DGKA: variants seen among roughly 807,000 people sequenced by gnomAD.
DGKA encodes 80 kDa diacylglycerol kinase.
In DGKA, 35 loss-of-function variants were observed where a neutral mutation model predicts 105.0. The observed-to-expected ratio is 0.33, with a 90% CI of 0.25 to 0.44. DGKA has a LOEUF of 0.44. Among genes scored for constraint, DGKA ranks in the 20% least tolerant of loss-of-function variants. The pLI is 1.00. For missense variants in DGKA, 665 were observed against 915.0 expected (o/e 0.73, Z 3.53); for synonymous variants, 296 against 332.0 (o/e 0.89, Z 1.18).
chr12:55,946,386 T>C (rs1592722632), intron 17 of DGKA, among the ~76,000 whole-genome samples: 1 of 152,094 alleles, frequency 6.6e-6, no homozygotes, highest in South Asian at 2.1e-4. Flanking sequence ...AGATGGAGTC[T>C]CACTCCATCG....
chr12:55,927,440 A>C, upstream of DGKA: 1 of 707,150 alleles, frequency 1.4e-6, no homozygotes, highest in East Asian at 2.7e-5. Context: ...AAAAGGGCGC[A>C]AGGCCCACCT....
At chr12:55,941,144 G>T (rs1418349824) in intron 13 of DGKA, 108 bp from the exon 14 acceptor site, 1 of 1,378,382 alleles carries the variant, frequency 7.3e-7, no homozygotes, top group East Asian at 2.3e-5. Flanking sequence ...AGGAGGGAGG[G>T]GGGAAATATC....
chr12:55,934,683 T>C (rs1488903935), intron 1 of DGKA, among the ~76,000 whole-genome samples: 3 of 152,234 alleles, frequency 2.0e-5, no homozygotes, highest in African/African-American at 7.2e-5. Context: ...GCATCATTCA[T>C]TTATTTAACA....
At chr12:55,941,648 G>T in intron 15 of DGKA, 64 bp downstream of exon 15, 1 of 1,520,548 alleles carries the variant, frequency 6.6e-7, no homozygotes, top group South Asian at 1.1e-5. Context: ...TATATGTTAG[G>T]AGAGTGCAGG....
Position 55,952,777 on chromosome 12 carries a change from G to T in DGKA, c.1787G>T (p.Gly596Val). Reference protein sequence around the residue: ...PLDLSNLSLEGIAVLNIPSMH... With the variant: ...PLDLSNLSLEVIAVLNIPSMH... ...GATCTGAGCAACCTGTCCCTAGAAG[G>T]CATCGCAGTGCTAAACATCCCTAGC... The change falls in exon 21 of 24, where the codon GGC becomes GTC. Residue 596 changes from glycine (G) to valine (V), a missense_variant. Around this residue, in one of 3 missense-constraint regions of DGKA, gnomAD observed 158 missense variants for 213.4 expected, o/e 0.74. Coordinates refer to ENST00000331886, the MANE Select transcript of DGKA (RefSeq NM_001345.5). This position sits in a 1 kb window ranked among gnomAD's most constrained non-coding sequence, Gnocchi z 5.1. The T allele has an allele frequency of 6.2e-7, 1 of 1,614,108 alleles. No individual in the cohort carries two copies. The highest frequency in any genetic ancestry group is 1.3e-5 in the African/African-American group (1 of 75,022).
upstream of DGKA, chr12:55,927,549 A>G (rs997638699): frequency 9.9e-6 from 8 of 806,796 alleles, no homozygotes; most frequent in African/African-American, 1.7e-5. Context: ...GGAGCAGACA[A>G]ACTCCAGGAA....
intron 17 of DGKA, among the ~76,000 whole-genome samples, chr12:55,943,846 A>C (rs1342669015): frequency 6.6e-6 from 1 of 152,184 alleles, no homozygotes. Flanking sequence ...TTATAATATT[A>C]GATATTTTGA....
rs144412553 is a variant in DGKA, at chr12:55,938,451, G to T, written c.350-60G>T. On this transcript the variant is annotated intron_variant, in intron 5 of 23. Coordinates refer to ENST00000331886, the MANE Select transcript of DGKA (RefSeq NM_001345.5). ...GTCTCTTTGTTTCCCCCATATTCTG[G>T]TATGAATTCTTTGGGTATCTCTCAC... The T allele has an allele frequency of 3.1e-6, 5 of 1,600,604 alleles. No individual in the cohort carries two copies. In the African/African-American group the frequency reaches 6.7e-5, roughly 21 times the overall value.
chr12:55,953,912 C>T lies in DGKA; in HGVS notation c.*144C>T. 1.4e-6 allele frequency: 1 copy of T among 715,186 alleles called. No individual in the cohort carries two copies. The highest frequency in any genetic ancestry group is 2.4e-6 in the Non-Finnish European group (1 of 423,362). 44.3% of individuals were successfully genotyped at this position (715,186 alleles called of 1,614,324 possible). A position where few individuals can be genotyped will look rare whatever the true frequency, so the allele number is the denominator to read the frequency against. On this transcript the variant is annotated 3_prime_UTR_variant, in exon 24 of 24. Coordinates refer to ENST00000331886, the MANE Select transcript of DGKA (RefSeq NM_001345.5). The stretch of plus-strand genomic sequence containing the variant: ...CACCCTCACAGTATTTATTATCCTG[C>T]ACCACCTCACTGTTCCCCATGCGCA...
intron 5 of DGKA, 83 bp from the exon 6 acceptor site, chr12:55,938,428 C>T: frequency 6.4e-7 from 1 of 1,563,326 alleles, no homozygotes; most frequent in Non-Finnish European, 8.8e-7. Context: ...CTCTCCCTGT[C>T]TCTTTGTTTC....
In DGKA at chr12:55,953,566, G is replaced by A. The variant is rs74557589; in HGVS notation, c.2125-119G>A. ...TTTCTCAGCCCCTGGTTTCCCTATC[G>A]TGGCCTCTCTAGGAACCTAGCAACC... is the stretch of plus-strand genomic sequence containing the variant. On this transcript the variant is annotated intron_variant, in intron 23 of 23. Transcript: ENST00000331886. The A allele has an allele frequency of 6.0e-3, 8,008 of 1,337,058 alleles. 32 individuals carry two copies. The highest frequency in any genetic ancestry group is 6.6e-3 in the Non-Finnish European group (6,199 of 942,596). 82.8% of individuals were successfully genotyped at this position (1,337,058 alleles called of 1,614,324 possible). A position where few individuals can be genotyped will look rare whatever the true frequency, so the allele number is the denominator to read the frequency against.
At chr12:55,934,205 A>C (rs981727110) in intron 1 of DGKA, among the ~76,000 whole-genome samples, 2 of 152,192 alleles carry the variant, frequency 1.3e-5, no homozygotes, top group Non-Finnish European at 2.9e-5. Flanking sequence ...TCTCCTTTGC[A>C]TTGTAACTTG....
upstream of DGKA, chr12:55,927,447 A>C (rs140770226): frequency 7.8e-4 from 548 of 698,392 alleles, 4 homozygotes; most frequent in Admixed American, 1.4e-3. Context: ...CGCAAGGCCC[A>C]CCTGCACCCA....
Position 55,942,003 on chromosome 12 carries a change from G to A in DGKA, c.1256G>A (p.Arg419Gln), listed in dbSNP as rs200590435. The change falls in exon 16 of 24, where the codon CGA becomes CAA. Residue 419 changes from arginine to glutamine, a missense_variant. Arg to Gln is a conservative substitution (Grantham distance 43, BLOSUM62 1). Around this residue, in one of 3 missense-constraint regions of DGKA, gnomAD observed 504 missense variants for 681.2 expected, o/e 0.74. Coordinates refer to ENST00000331886, the MANE Select transcript of DGKA (RefSeq NM_001345.5). Reference sequence around the variant, plus strand: ...CTCTCTCCCCTTTGTCTCAGGCTCCGATTATTCAAGGATGTTCCTGATAGC... The same window carrying A: ...CTCTCTCCCCTTTGTCTCAGGCTCCAATTATTCAAGGATGTTCCTGATAGC... Reference protein sequence around the residue: ...LLKDGPEIGLRLFKDVPDSRI... With the variant: ...LLKDGPEIGLQLFKDVPDSRI... 11 of 1,613,952 alleles carry A rather than the reference G, an allele frequency of 6.8e-6. No individual in the cohort carries two copies. Among genetic ancestry groups the A allele is most frequent in the South Asian group, 1.1e-5 (1 of 91,020 alleles).
At chr12:55,950,266 C>T (rs1294074252) in intron 17 of DGKA, among the ~76,000 whole-genome samples, 2 of 150,340 alleles carry the variant, frequency 1.3e-5, no homozygotes, top group Non-Finnish European at 3.0e-5. Flanking sequence ...AGCCATCGCG[C>T]CCGGCCTACA....
upstream of DGKA, chr12:55,927,846 A>T: frequency 2.0e-6 from 3 of 1,492,772 alleles, no homozygotes; most frequent in Non-Finnish European, 2.7e-6. Flanking sequence ...TCGGCGGCGA[A>T]GTGATGAGGG....
rs1888161084 is a variant in DGKA, at chr12:55,951,611, C to T, written c.1427-12C>T. The stretch of plus-strand genomic sequence containing the variant: ...CCAGAGCTCAGTGCTAACCTGTCTT[C>T]TCCACTCCTAGGTTATGAAGGACAG... On this transcript the variant is annotated splice_polypyrimidine_tract_variant and intron_variant, in intron 17 of 23. Transcript: ENST00000331886. 12 of 1,613,040 alleles carry T rather than the reference C, an allele frequency of 7.4e-6. No homozygotes were observed. The East Asian group carries it at 2.2e-4, about 30-fold the overall frequency.
At chr12:55,927,773 C>G, upstream of DGKA, 1 of 1,538,322 alleles carries the variant, frequency 6.5e-7, no homozygotes, top group Non-Finnish European at 8.7e-7. Flanking sequence ...GCCGAAGAGG[C>G]AGCGGACCAG....
Position 55,941,499 on chromosome 12 carries a change from C to G in DGKA, c.1176-11C>G, listed in dbSNP as rs1429560105. The stretch of plus-strand genomic sequence containing the variant: ...GCGCCTGCCATGAACTTTTCTTTTT[C>G]CCACACACAGGGTGCTCTGGAAGTT... On this transcript the variant is annotated splice_polypyrimidine_tract_variant and intron_variant, in intron 14 of 23. Transcript: ENST00000331886. 6.2e-6 allele frequency: 10 copies of G among 1,614,044 alleles called. No homozygotes were observed. The highest frequency in any genetic ancestry group is 1.3e-5 in the African/African-American group (1 of 75,014).
Sources: gnomAD v4.1 joint callset for allele counts (sites outside exome capture counted in the v4.1 genomes callset) on GRCh38, gnomAD v4.1.1 for gene constraint, gnomAD v4.1.1 regional missense constraint, Gnocchi (gnomAD v3.1) non-coding constraint, MANE v1.5 for transcripts, NCBI Gene and HGNC (gene_info 2026-07-23, HGNC 2026-07-21) for gene names.